The following APBA2 variants were observed in gnomAD, a reference collection of about 807,000 sequenced individuals.
APBA2 encodes the protein amyloid beta precursor protein binding family A member 2.
A neutral mutation model predicts 75.0 loss-of-function variants in APBA2; 30 were observed. The observed-to-expected ratio is 0.40, with a 90% CI of 0.30 to 0.54. The LOEUF (loss-of-function observed/expected upper bound fraction) is 0.54, where lower values mean the gene tolerates loss of function less well. APBA2 is among the 20% of genes least tolerant of loss of function. The probability of loss-of-function intolerance (pLI) is 0.49; values close to 1 mark genes in which losing one functional copy is unlikely to be tolerated. For missense variants in APBA2, 801 were observed against 1,016.1 expected (o/e 0.79, Z 2.88); for synonymous variants, 444 against 409.6 (o/e 1.08, Z -1.01).
intron 1 of APBA2, among the ~76,000 whole-genome samples, chr15:28,889,940 A>G (rs1257977010): frequency 1.1e-4 from 17 of 152,108 alleles, no homozygotes; most frequent in Admixed American, 9.8e-4. Flanking sequence ...GTCTCTTACC[A>G]CTCAATTGTA....
intron 2 of APBA2, among the ~76,000 whole-genome samples, chr15:28,953,284 C>T (rs2152726223): frequency 6.6e-6 from 1 of 152,322 alleles, no homozygotes; most frequent in Non-Finnish European, 1.5e-5. Context: ...TGCCTCTCAG[C>T]TTCACGCTGC....
At chr15:29,077,948 G>A (rs2042919752) in intron 6 of APBA2, among the ~76,000 whole-genome samples, 1 of 152,182 alleles carries the variant, frequency 6.6e-6, no homozygotes, top group Non-Finnish European at 1.5e-5. Context: ...ATGCCTTTGG[G>A]TACAAGTATC....
rs1441595932 is a variant in APBA2, at chr15:28,920,606, T to G, written c.-204-1034T>G. ...GTGGAGTGGGAATAAATGTTTGGGT[T>G]TAGGAGGCCTCCAGCTGGGTGGCCT... On this transcript the variant is annotated intron_variant, in intron 1 of 14. Transcript: ENST00000683413. 2.6e-5 allele frequency among the ~76,000 whole-genome samples: 4 copies of G among 152,142 alleles called. No homozygotes were observed. In the East Asian group the frequency reaches 7.7e-4, roughly 29 times the overall value.
chr15:28,949,944 A>G (rs575940828), intron 2 of APBA2, among the ~76,000 whole-genome samples: 1 of 152,306 alleles, frequency 6.6e-6, no homozygotes, highest in East Asian at 1.9e-4. Flanking sequence ...ATTGCTATGA[A>G]CTAAACTCTG....
At chr15:29,116,842 T>G (rs1027722229) in intron 14 of APBA2, among the ~76,000 whole-genome samples, 1 of 152,098 alleles carries the variant, frequency 6.6e-6, no homozygotes, top group Non-Finnish European at 1.5e-5. Context: ...CTGTATTGAC[T>G]CCTCTGGAGC....
intron 3 of APBA2, among the ~76,000 whole-genome samples, chr15:29,017,053 G>A (rs1399162658): frequency 1.3e-5 from 2 of 152,164 alleles, no homozygotes; most frequent in Non-Finnish European, 2.9e-5. Context: ...AGGAAGGAGG[G>A]TTGGGTCCCG....
At chr15:28,916,254 G>A (rs1451567999) in intron 1 of APBA2, among the ~76,000 whole-genome samples, 9 of 152,110 alleles carry the variant, frequency 5.9e-5, no homozygotes, top group African/African-American at 1.9e-4. Flanking sequence ...CAGCCTGTTC[G>A]CCACCTCTCC....
At chr15:29,085,438 T>C (rs2043245708) in intron 6 of APBA2, among the ~76,000 whole-genome samples, 3 of 145,040 alleles carry the variant, frequency 2.1e-5, no homozygotes, top group African/African-American at 7.8e-5. Flanking sequence ...GACAGGAGAA[T>C]GGCGTGAACC....
At chr15:28,979,001 C>T (rs987699094) in intron 2 of APBA2, among the ~76,000 whole-genome samples, 1 of 152,218 alleles carries the variant, frequency 6.6e-6, no homozygotes, top group African/African-American at 2.4e-5. Flanking sequence ...CTCTCTCTGG[C>T]TATCTGGCTA....
intron 3 of APBA2, among the ~76,000 whole-genome samples, chr15:29,035,665 G>A (rs1235034529): frequency 6.6e-6 from 1 of 152,130 alleles, no homozygotes; most frequent in South Asian, 2.1e-4. Context: ...ACAAGAAATC[G>A]ATGTGGTGTT....
In APBA2 at chr15:29,098,677, T is replaced by C. The variant is rs529440987; in HGVS notation, c.1338+101T>C. On this transcript the variant is annotated intron_variant, in intron 9 of 14. Coordinates refer to ENST00000683413, the MANE Select transcript of APBA2 (RefSeq NM_001353788.2). ...CTCGTTCTCAGCAGCTTCTCTCCTGTGCTCTCTGCGCCCATCAACCCAAGG... is the reference window on the plus strand; with the variant it reads ...CTCGTTCTCAGCAGCTTCTCTCCTGCGCTCTCTGCGCCCATCAACCCAAGG... 112 of 993,842 alleles carry C rather than the reference T, an allele frequency of 1.1e-4. No homozygotes were observed. In the African/African-American group the frequency reaches 1.5e-3, roughly 14 times the overall value. The allele number at this position is 993,842 out of a possible 1,614,324, so 61.6% of individuals were successfully genotyped here.
intron 3 of APBA2, among the ~76,000 whole-genome samples, chr15:29,048,442 C>T (rs555859068): frequency 5.9e-5 from 9 of 152,196 alleles, no homozygotes; most frequent in Non-Finnish European, 1.2e-4. Context: ...ACCACTAACT[C>T]TTAAGTTCTT....
intron 2 of APBA2, among the ~76,000 whole-genome samples, chr15:28,944,695 C>T (rs551155899): frequency 5.9e-5 from 9 of 152,234 alleles, no homozygotes; most frequent in Non-Finnish European, 1.2e-4. Context: ...CTGTACTGTG[C>T]AGAGATACGT....
intron 4 of APBA2, among the ~76,000 whole-genome samples, chr15:29,057,201 T>C (rs28507303): frequency 0.011 from 1,617 of 152,226 alleles, 33 homozygotes; most frequent in African/African-American, 0.037. Flanking sequence ...TAGACTCCTG[T>C]TTTTAACCCT....
At chr15:29,102,081 GA>G (rs2044154371) in intron 10 of APBA2, 1 of 535,034 alleles carries the variant, frequency 1.9e-6, no homozygotes, top group Non-Finnish European at 3.4e-6. Flanking sequence ...TACTAAAAAT[GA>G]AGTTAATCTT....
chr15:29,115,584 C>T (rs1304603362), intron 14 of APBA2, among the ~76,000 whole-genome samples: 2 of 152,164 alleles, frequency 1.3e-5, no homozygotes, highest in East Asian at 3.9e-4. Context: ...AGGAGGCGGC[C>T]GGGGCGTTGG....
chr15:29,115,454 G>A (rs1031270448), intron 14 of APBA2, among the ~76,000 whole-genome samples: 1 of 152,128 alleles, frequency 6.6e-6, no homozygotes, highest in African/African-American at 2.4e-5. Context: ...TGGCTTCAAA[G>A]AAAGGAAAAG....
intron 2 of APBA2, among the ~76,000 whole-genome samples, chr15:28,970,006 TGA>T: frequency 6.6e-6 from 1 of 152,282 alleles, no homozygotes; most frequent in Admixed American, 6.5e-5. Context: ...TTGTTCAAGG[TGA>T]TACATGATTT....
At chr15:29,075,099 C>T in intron 5 of APBA2, 98 bp downstream of exon 5, 1 of 933,060 alleles carries the variant, frequency 1.1e-6, no homozygotes, top group Non-Finnish European at 1.7e-6. Context: ...CCATGATGTT[C>T]TCATCCCACC....
Sources: allele counts gnomAD v4.1 joint callset (sites outside exome capture counted in the v4.1 genomes callset), GRCh38; gene constraint gnomAD v4.1.1; transcripts MANE v1.5; gene names NCBI Gene and HGNC (gene_info 2026-07-23, HGNC 2026-07-21).